Variants in ALG6 observed in about 807,000 individuals in gnomAD.
The protein encoded by ALG6 is ALG6 alpha-1,3-glucosyltransferase.
ALG6 carries 46 observed loss-of-function variants against 66.6 expected under a neutral mutation model. The observed-to-expected ratio is 0.69, with a 90% CI of 0.55 to 0.88. The LOEUF (loss-of-function observed/expected upper bound fraction) is 0.88. Ranked by LOEUF, ALG6 falls within the 40% of genes least tolerant of loss-of-function variation. The pLI is 0.00. For missense variants in ALG6, 505 were observed against 586.8 expected, an observed-to-expected ratio of 0.86 and a Z score of 1.44; for synonymous variants, 185 against 203.7, an observed-to-expected ratio of 0.91 and a Z score of 0.78.
At chr1:63,421,796 T>C (rs934515640) in intron 12 of ALG6, among the ~76,000 whole-genome samples, 3 of 150,874 alleles carry the variant, frequency 2.0e-5, no homozygotes, top group Non-Finnish European at 4.4e-5. Flanking sequence ...CACCACGTGT[T>C]CTCACTCATA....
intron 5 of ALG6, 25 bp downstream of exon 5, chr1:63,404,566 A>G: frequency 2.5e-6 from 4 of 1,604,598 alleles, no homozygotes; most frequent in Non-Finnish European, 3.4e-6. Flanking sequence ...GGTAGTGAAT[A>G]TAAAATTTGA....
intron 5 of ALG6, among the ~76,000 whole-genome samples, chr1:63,404,926 A>AT (rs539325691): frequency 8.1e-4 from 123 of 152,056 alleles, no homozygotes; most frequent in East Asian, 3.9e-4. Flanking sequence ...AATTTCTTTC[A>AT]TTTTTTCTTA....
chr1:63,368,260 A>G (rs1019680268), intron 1 of ALG6, among the ~76,000 whole-genome samples: 4 of 152,202 alleles, frequency 2.6e-5, no homozygotes, highest in Non-Finnish European at 5.9e-5. Context: ...TGGTTTAAGC[A>G]GAAGAGAGTC....
At chr1:63,412,825 A>T (rs565763021) in intron 9 of ALG6, among the ~76,000 whole-genome samples, 1 of 152,348 alleles carries the variant, frequency 6.6e-6, no homozygotes, top group Admixed American at 6.5e-5. Context: ...CAGAAACAAC[A>T]TATTTATAGA....
chr1:63,373,031 G>A (rs977679647), intron 2 of ALG6, among the ~76,000 whole-genome samples: 22 of 151,456 alleles, frequency 1.5e-4, no homozygotes, highest in African/African-American at 5.3e-4. Context: ...TTTGGAGACA[G>A]GGTTTCACTT....
intron 12 of ALG6, among the ~76,000 whole-genome samples, chr1:63,424,528 T>C (rs1224651060): frequency 6.6e-6 from 1 of 152,000 alleles, no homozygotes. Flanking sequence ...AGATATATGA[T>C]TTGCAAATAT....
intron 14 of ALG6, among the ~76,000 whole-genome samples, chr1:63,434,119 G>C (rs1349598068): frequency 6.6e-6 from 1 of 152,178 alleles, no homozygotes; most frequent in African/African-American, 2.4e-5. Flanking sequence ...AATGGGACTA[G>C]AATCTGACTT....
chr1:63,368,523 CAG>C (rs1195391934), intron 1 of ALG6, among the ~76,000 whole-genome samples: 3 of 151,248 alleles, frequency 2.0e-5, no homozygotes. Flanking sequence ...TTAATTGAGA[CAG>C]AGTCTTGCTC....
At position 63,422,274 on chromosome 1, in the gene ALG6, T is replaced by G. The variant is rs534239733; in HGVS notation, c.1058+2834T>G. ...ATATATTTATATAGATATAAATATATATATAAATATATATATTTATATAGA... is the reference window on the plus strand; with the variant it reads ...ATATATTTATATAGATATAAATATAGATATAAATATATATATTTATATAGA... On this transcript the variant is annotated intron_variant, in intron 12 of 14. Transcript: ENST00000263440. Among the ~76,000 whole-genome samples, 232 of 39,362 alleles carry G rather than the reference T, an allele frequency of 5.9e-3. 1 individual carries two copies. Among genetic ancestry groups the G allele is most frequent in the African/African-American group, 0.033 (207 of 6,338 alleles). 25.8% of individuals were successfully genotyped at this position (39,362 alleles called of 152,430 possible).
chr1:63,427,255 C>T (rs1163768104), intron 12 of ALG6, among the ~76,000 whole-genome samples: 3 of 151,102 alleles, frequency 2.0e-5, no homozygotes, highest in Non-Finnish European at 2.9e-5. Flanking sequence ...CCTCGTGATC[C>T]GCCTGTCTCA....
chr1:63,419,503 C>A, intron 12 of ALG6, 63 bp downstream of exon 12: 1 of 1,163,978 alleles, frequency 8.6e-7, no homozygotes, highest in Non-Finnish European at 1.2e-6. Context: ...AATTTACATA[C>A]AAATATACAT....
At chr1:63,373,657 CATTTTTT>C (rs1181979275) in intron 2 of ALG6, among the ~76,000 whole-genome samples, 6 of 114,760 alleles carry the variant, frequency 5.2e-5, no homozygotes, top group South Asian at 3.2e-4. Context: ...ATTTAATTTA[CATTTTTT>C]TTTTTTTTTT....
In ALG6 at chr1:63,396,542, T is replaced by G; in HGVS notation, c.112T>G (p.Tyr38Asp). 1 of 1,614,160 alleles carries G rather than the reference T, an allele frequency of 6.2e-7. No homozygotes were observed. Among genetic ancestry groups the G allele is most frequent in the African/African-American group, 1.3e-5 (1 of 75,054 alleles). ...TGGTAAACCGCCTATGTTTGGTGAT[T>G]ATGAAGCTCAGAGACACTGGCAAGA... The part of the protein sequence containing the change: ...GAGKPPMFGD[Y>D]EAQRHWQEIT... Residue 38 changes from tyrosine (Y) to aspartate (D), a missense_variant, in exon 3 of 15, where the codon TAT becomes GAT. Transcript: ENST00000263440.
rs7524478 is a variant in ALG6, at chr1:63,417,459, T to C, written c.987+1502T>C. 7.9e-3 allele frequency among the ~76,000 whole-genome samples: 1,202 copies of C among 152,338 alleles called. 7 individuals are homozygous for C. The highest frequency in any genetic ancestry group is 0.028 in the African/African-American group (1,149 of 41,570). Reference sequence around the variant, plus strand: ...CTTTTTAAATGTAAGATTTTTGTTATTTTGTTTTTGTTAATCATGCTTTGA... The same window carrying C: ...CTTTTTAAATGTAAGATTTTTGTTACTTTGTTTTTGTTAATCATGCTTTGA... On this transcript the variant is annotated intron_variant, in intron 11 of 14. Coordinates refer to ENST00000263440, the MANE Select transcript of ALG6 (RefSeq NM_013339.4).
At chr1:63,394,288 C>T (rs543350984) in intron 2 of ALG6, among the ~76,000 whole-genome samples, 1 of 152,298 alleles carries the variant, frequency 6.6e-6, no homozygotes, top group South Asian at 2.1e-4. Context: ...CCTCTTTGGG[C>T]CTTCTCACAA....
intron 2 of ALG6, among the ~76,000 whole-genome samples, chr1:63,379,299 C>T (rs10789137): frequency 0.33 from 50,599 of 151,970 alleles, 8,824 homozygotes; most frequent in East Asian, 0.62. Flanking sequence ...AAATTAGCAA[C>T]TTAAAGTTTC....
At position 63,435,103 on chromosome 1, in the gene ALG6, A is replaced by C. The variant is rs550821436; in HGVS notation, c.1327-1720A>C. Among the ~76,000 whole-genome samples the C allele has an allele frequency of 2.0e-5, 3 of 152,316 alleles. No individual in the cohort carries two copies. In the South Asian group the frequency reaches 6.2e-4, roughly 32 times the overall value. On this transcript the variant is annotated intron_variant, in intron 14 of 14. Transcript: ENST00000263440. ...AGCAGTTTCATCGTGATTAGGGTGA[A>C]AGCCCAATTGGTATGGGTTCACTAG...
intron 9 of ALG6, 94 bp downstream of exon 9, chr1:63,412,155 A>C (rs536650113): frequency 1.3e-4 from 201 of 1,540,822 alleles, no homozygotes; most frequent in Non-Finnish European, 1.7e-4. Flanking sequence ...TAGGAACTTC[A>C]GCTACTTTCC....
intron 14 of ALG6, among the ~76,000 whole-genome samples, chr1:63,434,918 G>C (rs1375258637): frequency 1.3e-5 from 2 of 152,210 alleles, no homozygotes; most frequent in African/African-American, 2.4e-5. Flanking sequence ...AACTGGGTGA[G>C]ATAGGAGAAC....
Sources: gnomAD v4.1 joint callset for allele counts (sites outside exome capture counted in the v4.1 genomes callset) on GRCh38, gnomAD v4.1.1 for gene constraint, MANE v1.5 for transcripts, NCBI Gene and HGNC (gene_info 2026-07-23, HGNC 2026-07-21) for gene names.